The following CNTNAP2 variants were observed in gnomAD, a reference collection of about 807,000 sequenced individuals.
CNTNAP2 encodes contactin-associated protein-like 2.
CNTNAP2 carries 98 observed loss-of-function variants against 155.2 expected under a neutral mutation model. The ratio of observed to expected loss-of-function variants is 0.63; its 90% confidence interval spans 0.54 to 0.75. CNTNAP2 has a LOEUF of 0.75. Ranked by LOEUF, CNTNAP2 falls within the 30% of genes least tolerant of loss-of-function variation. The probability of loss-of-function intolerance (pLI) is 0.00; values close to 1 mark genes in which losing one functional copy is unlikely to be tolerated. For missense variants in CNTNAP2, 1,727 were observed against 1,688.1 expected, an observed-to-expected ratio of 1.02 and a Z score of -0.40; for synonymous variants, 651 against 631.2, an observed-to-expected ratio of 1.03 and a Z score of -0.47.
At chr7:146,828,748 G>C (rs1189231002) in intron 2 of CNTNAP2, among the ~76,000 whole-genome samples, 2 of 151,980 alleles carry the variant, frequency 1.3e-5, no homozygotes, top group Admixed American at 6.6e-5. Context: ...TCAAATTACA[G>C]GTCATGTAAG....
chr7:146,169,088 T>A (rs1272758080), intron 1 of CNTNAP2, among the ~76,000 whole-genome samples: 4 of 152,214 alleles, frequency 2.6e-5, no homozygotes, highest in African/African-American at 9.6e-5. Flanking sequence ...TTTGCCACTT[T>A]CTGCTATCAG....
intron 1 of CNTNAP2, among the ~76,000 whole-genome samples, chr7:146,461,344 G>T (rs1006377546): frequency 6.6e-6 from 1 of 151,588 alleles, no homozygotes; most frequent in Non-Finnish European, 1.5e-5. Flanking sequence ...GGTGGAGCTT[G>T]CAGTGAGCCA....
chr7:147,992,454 A>T (rs1284300928), intron 15 of CNTNAP2, among the ~76,000 whole-genome samples: 1 of 152,150 alleles, frequency 6.6e-6, no homozygotes, highest in African/African-American at 2.4e-5. Flanking sequence ...AAAAGTCGCC[A>T]TGTGTATGTA....
intron 15 of CNTNAP2, among the ~76,000 whole-genome samples, chr7:147,984,194 T>A (rs375910764): frequency 6.6e-6 from 1 of 152,190 alleles, no homozygotes. Flanking sequence ...CTTGTCGCCA[T>A]CTTGGTTGTG....
intron 11 of CNTNAP2, among the ~76,000 whole-genome samples, chr7:147,535,912 A>G (rs1367332275): frequency 6.6e-6 from 1 of 152,224 alleles, no homozygotes; most frequent in African/African-American, 2.4e-5. Context: ...AAATTCCTTT[A>G]TATTCCCATT....
rs777706230 is a variant in CNTNAP2, at chr7:146,774,302, C to T, written c.129C>T (p.Leu43=). The change falls in exon 2 of 24, where the codon CTC becomes CTT. Residue 43 remains leucine, a synonymous_variant. Transcript: ENST00000361727. ...GTGATGAGCCACTTGTCTCTGGACT[C>T]CCCCATGTGGCTTTCAGCAGCTCCT... ...QKCDEPLVSG[L]PHVAFSSSSS... The T allele has an allele frequency of 1.2e-6, 2 of 1,613,846 alleles. No individual in the cohort carries two copies. Among genetic ancestry groups the T allele is most frequent in the Non-Finnish European group, 8.5e-7 (1 of 1,179,906 alleles).
intron 13 of CNTNAP2, among the ~76,000 whole-genome samples, chr7:147,771,272 A>G (rs919386247): frequency 2.0e-5 from 3 of 152,214 alleles, no homozygotes; most frequent in Non-Finnish European, 4.4e-5. Flanking sequence ...GAAAAATCTT[A>G]ATAACCTCAG....
chr7:147,496,937 A>T (rs1798720371), intron 11 of CNTNAP2: 1 of 152,062 alleles, frequency 6.6e-6, no homozygotes, highest in African/African-American at 2.4e-5. Flanking sequence ...GATTGTTGTA[A>T]TCTGGGGCGA....
At position 147,556,206 on chromosome 7, in the gene CNTNAP2, A is replaced by C. The variant is rs546158665; in HGVS notation, c.1778-5932A>C. ...TCCGTCTTTCTTTATTATTCTGCTT[A>C]ATATACCTTGTGTTCATCCACAACA... On this transcript the variant is annotated intron_variant, in intron 11 of 23. Coordinates refer to ENST00000361727, the MANE Select transcript of CNTNAP2 (RefSeq NM_014141.6). Among the ~76,000 whole-genome samples the C allele has an allele frequency of 2.0e-5, 3 of 152,330 alleles. No homozygotes were observed. The East Asian group carries it at 5.8e-4, about 29-fold the overall frequency.
At chr7:146,631,180 C>T (rs1298883140) in intron 1 of CNTNAP2, among the ~76,000 whole-genome samples, 2 of 152,120 alleles carry the variant, frequency 1.3e-5, no homozygotes, top group Non-Finnish European at 2.9e-5. Flanking sequence ...CTACAGCAAC[C>T]AATACAGCAT....
chr7:147,546,080 G>A (rs1454377142), intron 11 of CNTNAP2, among the ~76,000 whole-genome samples: 1 of 152,086 alleles, frequency 6.6e-6, no homozygotes, highest in Non-Finnish European at 1.5e-5. Flanking sequence ...AAATTACCCA[G>A]TCTCAGGTAT....
intron 21 of CNTNAP2, among the ~76,000 whole-genome samples, chr7:148,325,735 T>C (rs146755942): frequency 6.6e-6 from 1 of 152,340 alleles, no homozygotes; most frequent in East Asian, 1.9e-4. Flanking sequence ...TAGCAGAAGC[T>C]GGTGGGTGCC....
At chr7:147,747,118 A>G (rs1797056697) in intron 13 of CNTNAP2, among the ~76,000 whole-genome samples, 1 of 152,196 alleles carries the variant, frequency 6.6e-6, no homozygotes, top group Non-Finnish European at 1.5e-5. Flanking sequence ...TTCTATCCAC[A>G]TGAACTCACC....
intron 10 of CNTNAP2, among the ~76,000 whole-genome samples, chr7:147,434,009 TC>T (rs1797507374): frequency 6.6e-6 from 1 of 152,142 alleles, no homozygotes; most frequent in South Asian, 2.1e-4. Flanking sequence ...ACCTTATCAG[TC>T]CTCTAAAATA....
chr7:146,955,907 G>T (rs548067210), intron 3 of CNTNAP2, among the ~76,000 whole-genome samples: 2 of 151,970 alleles, frequency 1.3e-5, no homozygotes, highest in African/African-American at 4.8e-5. Context: ...CGCAGTAAAC[G>T]GTCACTAGTC....
rs112089083 is a variant in CNTNAP2, at chr7:147,235,185, G to GT, written c.1349-64947dup. Among the ~76,000 whole-genome samples the GT allele has an allele frequency of 3.7e-4, 56 of 151,028 alleles. No individual in the cohort carries two copies. In the South Asian group the frequency reaches 5.9e-3, roughly 16 times the overall value. ...GCTTGCTGGCCTTGACTTAGACATTGTTTTTTTTTCCTGTCTTTGGACTCA... is the reference window on the plus strand; with the variant it reads ...GCTTGCTGGCCTTGACTTAGACATTGTTTTTTTTTTCCTGTCTTTGGACTCA... On this transcript the variant is annotated intron_variant, in intron 8 of 23. Coordinates refer to ENST00000361727, the MANE Select transcript of CNTNAP2 (RefSeq NM_014141.6).
intron 1 of CNTNAP2, among the ~76,000 whole-genome samples, chr7:146,556,161 CT>C (rs561504195): frequency 0.021 from 3,215 of 151,538 alleles, 131 homozygotes; most frequent in African/African-American, 0.072. Flanking sequence ...TAATGTCAGT[CT>C]TTTTTTTTCT....
chr7:146,473,828 A>G (rs1459811068), intron 1 of CNTNAP2, among the ~76,000 whole-genome samples: 1 of 152,172 alleles, frequency 6.6e-6, no homozygotes, highest in African/African-American at 2.4e-5. Context: ...GTTTGTCTCA[A>G]GTATTGTTTT....
At chr7:146,543,201 T>G (rs1367739340) in intron 1 of CNTNAP2, among the ~76,000 whole-genome samples, 1 of 151,920 alleles carries the variant, frequency 6.6e-6, no homozygotes, top group East Asian at 1.9e-4. Flanking sequence ...AGTAAATAAT[T>G]TTTTAAGAAA....
Sources: allele counts gnomAD v4.1 joint callset (sites outside exome capture counted in the v4.1 genomes callset), GRCh38; gene constraint gnomAD v4.1.1; transcripts MANE v1.5; gene names NCBI Gene and HGNC (gene_info 2026-07-23, HGNC 2026-07-21).